Variants in KSR2 observed in about 807,000 individuals in gnomAD.
KSR2 encodes the protein kinase suppressor of ras 2.
Under a neutral mutation model 107.8 loss-of-function variants are expected in KSR2, and 25 were observed. That is an observed-to-expected ratio of 0.23 (90% CI 0.17 to 0.32). The LOEUF is 0.32. Among genes scored for constraint, KSR2 ranks in the 10% least tolerant of loss-of-function variants. KSR2 has a pLI of 1.00. For synonymous variants in KSR2, 480 were observed against 507.0 expected (o/e 0.95, Z 0.71); for missense variants, 887 against 1,268.9 (o/e 0.70, Z 4.57).
chr12:117,717,908 G>C (rs1887060865), intron 4 of KSR2, among the ~76,000 whole-genome samples: 1 of 152,108 alleles, frequency 6.6e-6, no homozygotes, highest in African/African-American at 2.4e-5. Context: ...GGAACTACTT[G>C]AGACACAGAG....
At chr12:117,692,017 T>C (rs1885835596) in intron 4 of KSR2, among the ~76,000 whole-genome samples, 1 of 152,140 alleles carries the variant, frequency 6.6e-6, no homozygotes, top group African/African-American at 2.4e-5. Flanking sequence ...CTGTGTTCCT[T>C]TGCCTCTGCG....
chr12:117,504,449 T>C (rs1172526114), intron 14 of KSR2, among the ~76,000 whole-genome samples: 1 of 152,206 alleles, frequency 6.6e-6, no homozygotes. Flanking sequence ...TCCCTTAATC[T>C]CTTAACTCCG....
chr12:117,800,522 T>G (rs886132944), intron 3 of KSR2, among the ~76,000 whole-genome samples: 1 of 152,200 alleles, frequency 6.6e-6, no homozygotes, highest in African/African-American at 2.4e-5. Flanking sequence ...GGATAGTGTA[T>G]TAGTCCATTC....
Position 117,523,665 on chromosome 12 carries a change from A to G in KSR2, c.2219+1187T>C, listed in dbSNP as rs866227643. ...GGTAAAGACAGCAAATGTGCTCTGC[A>G]ACTTTCATGAAAACCAGAGTAACAC... On this transcript the variant is annotated intron_variant, in intron 14 of 19. Coordinates refer to ENST00000339824, the MANE Select transcript of KSR2 (RefSeq NM_173598.6). Among the ~76,000 whole-genome samples the G allele has an allele frequency of 3.9e-5, 6 of 152,338 alleles. No individual in the cohort carries two copies. In the South Asian group the frequency reaches 1.2e-3, roughly 32 times the overall value.
At chr12:117,528,516 G>A (rs1452588137) in intron 12 of KSR2, among the ~76,000 whole-genome samples, 1 of 152,084 alleles carries the variant, frequency 6.6e-6, no homozygotes, top group Non-Finnish European at 1.5e-5. Context: ...TGACTCCACA[G>A]AGTCAATCCA....
intron 7 of KSR2, among the ~76,000 whole-genome samples, chr12:117,564,917 T>C (rs560892613): frequency 5.4e-4 from 83 of 152,352 alleles, no homozygotes; most frequent in African/African-American, 1.9e-3. Context: ...CCCTCTTTGT[T>C]TGTGAAATGC....
At chr12:117,561,148 A>T (rs928146205) in intron 7 of KSR2, among the ~76,000 whole-genome samples, 1 of 152,234 alleles carries the variant, frequency 6.6e-6, no homozygotes, top group African/African-American at 2.4e-5. Flanking sequence ...AAGTAAAAAT[A>T]GTAGAGTGGA....
chr12:117,900,082 C>T (rs527448879), intron 1 of KSR2, among the ~76,000 whole-genome samples: 1 of 152,302 alleles, frequency 6.6e-6, no homozygotes, highest in Non-Finnish European at 1.5e-5. Flanking sequence ...AGCAAAGGAC[C>T]CAACTCTGCC....
chr12:117,682,725 A>C (rs1297270862), intron 4 of KSR2, among the ~76,000 whole-genome samples: 2 of 152,138 alleles, frequency 1.3e-5, no homozygotes, highest in South Asian at 2.1e-4. Context: ...GCTGTATCTC[A>C]GAACTTAATA....
intron 5 of KSR2, among the ~76,000 whole-genome samples, chr12:117,633,748 T>C (rs1297727509): frequency 6.6e-6 from 1 of 152,214 alleles, no homozygotes; most frequent in Non-Finnish European, 1.5e-5. Flanking sequence ...TCATCGCATC[T>C]GCAAAGACCC....
intron 4 of KSR2, among the ~76,000 whole-genome samples, chr12:117,717,934 C>T (rs1461606669): frequency 6.6e-6 from 1 of 152,156 alleles, no homozygotes. Flanking sequence ...AGGAAGGCAG[C>T]TGGCCATAAT....
At chr12:117,731,814 G>A (rs1356029228) in intron 4 of KSR2, among the ~76,000 whole-genome samples, 2 of 150,266 alleles carry the variant, frequency 1.3e-5, no homozygotes, top group Non-Finnish European at 3.0e-5. Context: ...GATGTGCTTT[G>A]TTAAACAGAT....
chr12:117,507,142 C>A (rs1019642719), intron 14 of KSR2, among the ~76,000 whole-genome samples: 5 of 152,172 alleles, frequency 3.3e-5, no homozygotes, highest in Admixed American at 2.6e-4. Flanking sequence ...ACACTTTCAC[C>A]TACATGGTTT....
chr12:117,908,487 C>T (rs1427619423), intron 1 of KSR2, among the ~76,000 whole-genome samples: 2 of 152,170 alleles, frequency 1.3e-5, no homozygotes, highest in Non-Finnish European at 2.9e-5. Context: ...TTTCTACTAT[C>T]CGGAGAATGT....
intron 4 of KSR2, among the ~76,000 whole-genome samples, chr12:117,712,154 T>C (rs1326305030): frequency 2.6e-5 from 4 of 152,206 alleles, no homozygotes; most frequent in African/African-American, 7.2e-5. Context: ...AGGCAAGAAG[T>C]GGCAGGTGAG....
chr12:117,497,230 G>T (rs1011996940), intron 14 of KSR2, among the ~76,000 whole-genome samples: 1 of 152,124 alleles, frequency 6.6e-6, no homozygotes, highest in Non-Finnish European at 1.5e-5. Context: ...GACAAGAAGG[G>T]CTGACTCTTT....
intron 5 of KSR2, among the ~76,000 whole-genome samples, chr12:117,635,091 G>T (rs1053894812): frequency 6.6e-6 from 1 of 152,278 alleles, no homozygotes; most frequent in African/African-American, 2.4e-5. Flanking sequence ...CTCCCAGCAT[G>T]GAGGTTCTCT....
intron 14 of KSR2, among the ~76,000 whole-genome samples, chr12:117,501,015 G>T (rs1479104872): frequency 6.6e-6 from 1 of 152,234 alleles, no homozygotes; most frequent in Admixed American, 6.5e-5. Flanking sequence ...CTTCTGAGGT[G>T]GGAGTTGCAA....
intron 5 of KSR2, among the ~76,000 whole-genome samples, chr12:117,655,224 T>C (rs1884093890): frequency 6.6e-6 from 1 of 152,238 alleles, no homozygotes; most frequent in Non-Finnish European, 1.5e-5. Flanking sequence ...ACTCACGGAA[T>C]GGCTTATCCA....
Sources: allele counts gnomAD v4.1 joint callset (sites outside exome capture counted in the v4.1 genomes callset), GRCh38; gene constraint gnomAD v4.1.1; transcripts MANE v1.5; gene names NCBI Gene and HGNC (gene_info 2026-07-23, HGNC 2026-07-21).